The following NPHS1 variants were observed in gnomAD, a reference collection of about 807,000 sequenced individuals.
NPHS1 encodes NPHS1 adhesion molecule, nephrin.
In NPHS1, 107 loss-of-function variants were observed where a neutral mutation model predicts 139.7. The ratio of observed to expected loss-of-function variants is 0.77; its 90% CI spans 0.66 to 0.90. The LOEUF (loss-of-function observed/expected upper bound fraction) is 0.90. NPHS1 is among the 40% of genes least tolerant of loss of function. The pLI, the probability that NPHS1 is intolerant of heterozygous loss-of-function variation, is 0.00. For synonymous variants in NPHS1, 707 were observed against 706.6 expected (o/e 1.00, Z -0.01); for missense variants, 1,580 against 1,654.2 (o/e 0.96, Z 0.78).
Position 35,845,514 on chromosome 19 carries a change from C to T in NPHS1, c.1784G>A (p.Arg595Gln), listed in dbSNP as rs1041746504. The T allele has an allele frequency of 3.8e-6, 6 of 1,597,068 alleles. No individual in the cohort carries two copies. In the South Asian group the frequency reaches 6.7e-5, roughly 18 times the overall value. ...ERLEGVAAPP[R>Q]RAPFKGSAAA... ...GGCGGAGCCTTTGAATGGGGCTCTC[C>T]GGGGTGGGGCGGCCACGCCCTCCAG... The change falls in exon 14 of 29, where the codon CGG becomes CAG. Residue 595 changes from arginine to glutamine, a missense_variant. Physicochemically the swap from Arg to Gln is conservative, Grantham distance 43. Transcript: ENST00000378910. This position sits in a 1 kb window ranked among gnomAD's most constrained non-coding sequence, Gnocchi z 5.5.
intron 16 of NPHS1, 117 bp downstream of exon 16, chr19:35,843,986 G>A: frequency 1.4e-6 from 2 of 1,411,700 alleles, no homozygotes; most frequent in Non-Finnish European, 1.9e-6. Context: ...CTTCCAGAAC[G>A]GGAGGGTTCC....
rs147417123 is a variant in NPHS1 at position 35,831,055 on chromosome 19, C to T, written c.3479G>A (p.Arg1160Gln). ...ATCCTGACATGGTCCTAACTCACCT[C>T]GGGAATAAGACACCTCCTCCTGCGT... ...PPTQEEVSYS[R>Q]GFTGEDEDMA... Residue 1160 changes from arginine to glutamine, a missense_variant and splice_region_variant, in exon 27 of 29, where the codon CGA (arginine) becomes CAA (glutamine). Arg to Gln is a conservative substitution (Grantham distance 43). Transcript: ENST00000378910. The T allele has an allele frequency of 1.4e-5, 22 of 1,614,086 alleles. No homozygotes were observed. The highest frequency in any genetic ancestry group is 3.3e-5 in the Admixed American group (2 of 60,016).
At chr19:35,840,782 G>A (rs1029289309) in intron 20 of NPHS1, among the ~76,000 whole-genome samples, 5 of 149,466 alleles carry the variant, frequency 3.3e-5, no homozygotes, top group Non-Finnish European at 7.4e-5. Context: ...TCCACCTCCT[G>A]GGTTCAAACA....
rs769782457 is a variant in NPHS1, at chr19:35,849,125, G to A, written c.863C>T (p.Ala288Val). ...WLKNGQPVSTAWGTEHTQAVA... is the reference protein window; with the variant it reads ...WLKNGQPVSTVWGTEHTQAVA... ...CGCCTGGGTGTGCTCTGTGCCCCAC[G>A]CTGTGGACACCGGCTGGCCATTCTG... The change falls in exon 8 of 29, where the codon GCG becomes GTG. Residue 288 changes from alanine (A) to valine (V), a missense_variant. By Grantham distance (64) the Ala-to-Val change is moderately conservative. Coordinates refer to ENST00000378910, the MANE Select transcript of NPHS1 (RefSeq NM_004646.4). 3 of 1,609,642 alleles carry A rather than the reference G, an allele frequency of 1.9e-6. No individual in the cohort carries two copies. Among genetic ancestry groups the A allele is most frequent in the Non-Finnish European group, 1.7e-6 (2 of 1,180,020 alleles).
intron 5 of NPHS1, among the ~76,000 whole-genome samples, chr19:35,850,108 G>T (rs1036065200): frequency 6.6e-6 from 1 of 152,170 alleles, no homozygotes; most frequent in East Asian, 1.9e-4. Flanking sequence ...TGAAAACAGG[G>T]TTTCACCATG....
Position 35,834,786 on chromosome 19 carries a change from G to A in NPHS1, c.3166+919C>T, listed in dbSNP as rs189079568. ...CGTGCCTGTAGTCCCAGCTACTCGG[G>A]AGGCTGAGGCAGGAGAGGAAGCCGG... On this transcript the variant is annotated intron_variant, in intron 23 of 28. Transcript: ENST00000378910. Among the ~76,000 whole-genome samples the A allele has an allele frequency of 9.0e-3, 1,364 of 152,068 alleles. 12 individuals are homozygous for A. The highest frequency in any genetic ancestry group is 0.012 in the Non-Finnish European group (812 of 68,006).
chr19:35,830,744 C>T, intron 28 of NPHS1, 100 bp downstream of exon 28: 1 of 823,446 alleles, frequency 1.2e-6, no homozygotes. Flanking sequence ...GGTCAGGCCT[C>T]TTTGTTACAG....
intron 28 of NPHS1, among the ~76,000 whole-genome samples, chr19:35,829,759 G>C (rs1176766928): frequency 1.3e-5 from 2 of 151,770 alleles, no homozygotes; most frequent in East Asian, 1.9e-4. Context: ...GGCTGGTCTC[G>C]AACTCTTGAC....
rs756546978 is a variant in NPHS1 at position 35,848,732 on chromosome 19, G to C, written c.1075C>G (p.Leu359Val). The C allele has an allele frequency of 6.2e-7, 1 of 1,614,190 alleles. No individual in the cohort carries two copies. Among genetic ancestry groups the C allele is most frequent in the African/African-American group, 1.3e-5 (1 of 75,052 alleles). The change falls in exon 9 of 29, where the codon CTC (leucine) becomes GTC (valine). Residue 359 changes from leucine (L) to valine (V), a missense_variant. Physicochemically the swap from Leu to Val is conservative, Grantham distance 32. Coordinates refer to ENST00000378910, the MANE Select transcript of NPHS1 (RefSeq NM_004646.4). ...CGACTGGACTTGCTGACACAGGAGA[G>C]TGTCACGTTCTTGTTCTCAGTCTGG... is the stretch of plus-strand genomic sequence containing the variant. ...ASQTENKNVT[L>V]SCVSKSSRPR... is the part of the protein sequence containing the mutation.
At position 35,850,882 on chromosome 19, in the gene NPHS1, G is replaced by A. The variant is rs1246408726; in HGVS notation, c.526+79C>T. 3.8e-6 allele frequency: 6 copies of A among 1,559,986 alleles called. No individual in the cohort carries two copies. The African/African-American group carries it at 8.1e-5, about 21-fold the overall frequency. On this transcript the variant is annotated intron_variant, in intron 4 of 28. Coordinates refer to ENST00000378910, the MANE Select transcript of NPHS1 (RefSeq NM_004646.4). ...ACATCTTTTCTGGGGCCCTTAGAAG[G>A]GTACTGGTCAGGAACACACACCCTT...
rs373760560 is a variant in NPHS1, at chr19:35,849,203, C to G, written c.840+33G>C. 60 of 1,613,374 alleles carry G rather than the reference C, an allele frequency of 3.7e-5. No homozygotes were observed. In the Middle Eastern group the frequency reaches 1.7e-3, roughly 45 times the overall value. On this transcript the variant is annotated intron_variant, in intron 7 of 28. Transcript: ENST00000378910. ...AGGACTGGCTCCCAGACCCCACTGT[C>G]CCCCCATTCCCCATGCCCGCGTTTG...
chr19:35,828,784 A>G (rs760761008), intron 28 of NPHS1, among the ~76,000 whole-genome samples: 3 of 152,226 alleles, frequency 2.0e-5, no homozygotes, highest in Non-Finnish European at 1.5e-5. Flanking sequence ...AGCCCAAAGC[A>G]TTTACTACTA....
chr19:35,825,714 T>A lies in NPHS1; in HGVS notation c.*800A>T, dbSNP rs1443958185. Among the ~76,000 whole-genome samples the A allele has an allele frequency of 6.6e-6, 1 of 152,206 alleles. No homozygotes were observed. Among genetic ancestry groups the A allele is most frequent in the Admixed American group, 6.5e-5 (1 of 15,276 alleles). On this transcript the variant is annotated 3_prime_UTR_variant, in exon 29 of 29. Coordinates refer to ENST00000378910, the MANE Select transcript of NPHS1 (RefSeq NM_004646.4). Reference sequence around the variant, plus strand: ...TTATTTTAATGCTTATGGAGCATACTTATGTTTACATGTGTCATAGTTTAT... The same window carrying A: ...TTATTTTAATGCTTATGGAGCATACATATGTTTACATGTGTCATAGTTTAT...
In NPHS1 at chr19:35,841,853, T is replaced by C. The variant is rs576380462; in HGVS notation, c.2677A>G (p.Thr893Ala). The C allele has an allele frequency of 6.2e-7, 1 of 1,611,918 alleles. No homozygotes were observed. Among genetic ancestry groups the C allele is most frequent in the East Asian group, 2.2e-5 (1 of 44,870 alleles). ...DLQDPRYTEH[T>A]YHQGGVHSSL... ...CTGTGGACACCACCCTGGTGGTATG[T>C]GTGCTCCGTGTACCTAGAGAGAAGG... The change falls in exon 20 of 29, where the codon ACA (threonine) becomes GCA (alanine). Residue 893 changes from threonine to alanine, a missense_variant. Thr to Ala is a moderately conservative substitution (Grantham distance 58). Transcript: ENST00000378910.
chr19:35,835,465 A>T (rs1277775468), intron 23 of NPHS1, among the ~76,000 whole-genome samples: 1 of 151,490 alleles, frequency 6.6e-6, no homozygotes, highest in African/African-American at 2.4e-5. Context: ...ACACCCAGCT[A>T]TTTTTTATTT....
At chr19:35,827,181 T>C (rs35677801) in intron 28 of NPHS1, among the ~76,000 whole-genome samples, 14,565 of 151,720 alleles carry the variant, frequency 0.096, 723 homozygotes, top group Middle Eastern at 0.16. Flanking sequence ...GAGGTTTCCA[T>C]TGTGGCCCAG....
intron 26 of NPHS1, 63 bp downstream of exon 26, chr19:35,831,233 C>T (rs376229282): frequency 2.4e-4 from 393 of 1,606,208 alleles, no homozygotes; most frequent in South Asian, 7.1e-4. Context: ...CTGATGCTAA[C>T]GGCAGGGCTT....
Position 35,842,402 on chromosome 19 carries a change from C to G in NPHS1, c.2483G>C (p.Arg828Pro), listed in dbSNP as rs749961697. ...ACATCTGACAACAAGACGGAGCAGC[C>G]GTCGTGCTGGAGGCGCCACCCCATT... ...VDNGVAPPAR[R>P]LLRLVVRFAP... Residue 828 changes from arginine to proline, a missense_variant, in exon 18 of 29, where the codon CGG becomes CCG. Transcript: ENST00000378910. 1.2e-6 allele frequency: 2 copies of G among 1,614,064 alleles called. No individual in the cohort carries two copies. The highest frequency in any genetic ancestry group is 3.3e-5 in the Admixed American group (2 of 60,014).
chr19:35,850,392 T>C lies in NPHS1; in HGVS notation c.580A>G (p.Lys194Glu). 1 of 1,614,150 alleles carries C rather than the reference T, an allele frequency of 6.2e-7. No individual in the cohort carries two copies. The highest frequency in any genetic ancestry group is 2.2e-5 in the East Asian group (1 of 44,886). The change falls in exon 5 of 29, where the codon AAA becomes GAA. Residue 194 changes from lysine (K) to glutamate (E), a missense_variant. Coordinates refer to ENST00000378910, the MANE Select transcript of NPHS1 (RefSeq NM_004646.4). ...GCTGTGGCCTCCACAGTGAAGAGTTTCTGCTGGGAGCCCTCGTTCACGTTT... is the reference window on the plus strand; with the variant it reads ...GCTGTGGCCTCCACAGTGAAGAGTTCCTGCTGGGAGCCCTCGTTCACGTTT... The part of the protein sequence containing the change: ...SANVNEGSQQ[K>E]LFTVEATARV...
Sources: gnomAD v4.1 joint callset for allele counts (sites outside exome capture counted in the v4.1 genomes callset) on GRCh38, gnomAD v4.1.1 for gene constraint, Gnocchi (gnomAD v3.1) non-coding constraint, MANE v1.5 for transcripts, NCBI Gene and HGNC (gene_info 2026-07-23, HGNC 2026-07-21) for gene names.